Variants in TSC22D3 observed in about 807,000 individuals in gnomAD.
TSC22D3 encodes the protein TSC22 domain family member 3, also known as TSC22 domain family protein 3.
TSC22D3 carries 4 observed loss-of-function variants against 11.1 expected under a neutral mutation model. The ratio of observed to expected loss-of-function variants is 0.36; its 90% CI spans 0.18 to 0.83. TSC22D3 has a LOEUF of 0.83. TSC22D3 is among the 40% of genes least tolerant of loss of function. The pLI is 0.48. For synonymous variants in TSC22D3, 77 were observed against 70.3 expected (o/e 1.10, Z -0.48); for missense variants, 118 against 159.4 (o/e 0.74, Z 1.40).
chrX:107,749,178 T>TACACACACAC (rs61681572), intron 1 of TSC22D3, among the ~76,000 whole-genome samples: 25 of 87,358 alleles, frequency 2.9e-4, no homozygotes, highest in African/African-American at 9.2e-4. Context: ...CTACTAAAAA[T>TACACACACAC]ACACACACAC....
intron 1 of TSC22D3, among the ~76,000 whole-genome samples, chrX:107,719,281 A>G (rs1456863459): frequency 8.9e-6 from 1 of 112,384 alleles, no homozygotes. Flanking sequence ...AAAAGGGTTA[A>G]GGTTCCCAGC....
At chrX:107,758,611 A>G (rs758242773) in intron 1 of TSC22D3, among the ~76,000 whole-genome samples, 1 of 111,642 alleles carries the variant, frequency 9.0e-6, no homozygotes, top group African/African-American at 3.3e-5. Flanking sequence ...GGTTTTCAGA[A>G]AGAGGGCCAG....
In TSC22D3 at chrX:107,775,448, G is replaced by C; in HGVS notation, c.-29C>G. 1 of 1,133,307 alleles carries C rather than the reference G, an allele frequency of 8.8e-7. No individual in the cohort carries two copies. Among genetic ancestry groups the C allele is most frequent in the Non-Finnish European group, 1.2e-6 (1 of 851,025 alleles). The allele number at this position is 1,133,307 out of a possible 1,213,427, so 93.4% of individuals were successfully genotyped here. Reference sequence around the variant, plus strand: ...CTCAGGCTCGGAGGTCGCCTGGCCTGCGAGGTCAGGGGCGGCTGGCAGGTG... The same window carrying C: ...CTCAGGCTCGGAGGTCGCCTGGCCTCCGAGGTCAGGGGCGGCTGGCAGGTG... On this transcript the variant is annotated 5_prime_UTR_variant, in exon 1 of 3. Coordinates refer to ENST00000372383, the MANE Select transcript of TSC22D3 (RefSeq NM_198057.3).
intron 1 of TSC22D3, among the ~76,000 whole-genome samples, chrX:107,751,366 TGG>T (rs1310769157): frequency 9.1e-6 from 1 of 109,950 alleles, no homozygotes; most frequent in Non-Finnish European, 1.9e-5. Flanking sequence ...GGGAAGGAGG[TGG>T]GGAGAGAGGC....
At chrX:107,751,043 C>T (rs996228735) in intron 1 of TSC22D3, among the ~76,000 whole-genome samples, 3 of 112,102 alleles carry the variant, frequency 2.7e-5, no homozygotes, top group African/African-American at 9.7e-5. Flanking sequence ...ATGTGATGGC[C>T]TAGAGCTACT....
chrX:107,766,857 T>G (rs1181652163), intron 1 of TSC22D3, among the ~76,000 whole-genome samples: 1 of 106,441 alleles, frequency 9.4e-6, no homozygotes, highest in Non-Finnish European at 1.9e-5. Flanking sequence ...AGCCTACCAC[T>G]GAGCAAGCAG....
chrX:107,732,078 C>T (rs1325767439), intron 1 of TSC22D3, among the ~76,000 whole-genome samples: 1 of 111,458 alleles, frequency 9.0e-6, no homozygotes, highest in Non-Finnish European at 1.9e-5. Flanking sequence ...CCTCTGCTCA[C>T]CCGCTTGGGA....
intron 1 of TSC22D3, chrX:107,721,936 A>C: frequency 2.0e-6 from 1 of 500,622 alleles, no homozygotes; most frequent in Non-Finnish European, 3.7e-6. Context: ...CTTCTCGCTT[A>C]TCTTCTCTCT....
chrX:107,725,973 C>G (rs1465681862), intron 1 of TSC22D3, among the ~76,000 whole-genome samples: 2 of 111,915 alleles, frequency 1.8e-5, no homozygotes, highest in Non-Finnish European at 1.9e-5. Context: ...CCCGGTCAAA[C>G]CTGGGTCAAT....
Position 107,775,640 on chromosome X carries a change from C to T in TSC22D3, c.-221G>A. On this transcript the variant is annotated 5_prime_UTR_variant, in exon 1 of 3. Transcript: ENST00000372383. ...AAACAGCTGGACAAACAGCTCCGAG[C>T]GGATCCTTCGGGCTCACTTCCTCCT... The T allele has an allele frequency of 3.1e-6, 1 of 322,500 alleles. No individual in the cohort carries two copies. The highest frequency in any genetic ancestry group is 5.4e-6 in the Non-Finnish European group (1 of 185,615). 26.6% of individuals were successfully genotyped at this position (322,500 alleles called of 1,213,427 possible). A position where few individuals can be genotyped will look rare whatever the true frequency, so the allele number is the denominator to read the frequency against.
At chrX:107,736,384 C>T (rs1007005066) in intron 1 of TSC22D3, among the ~76,000 whole-genome samples, 9 of 111,649 alleles carry the variant, frequency 8.1e-5, no homozygotes, top group Admixed American at 5.7e-4. Context: ...ATGCAGCACA[C>T]CTCTCTTTCT....
chrX:107,759,462 C>T (rs1361896475), intron 1 of TSC22D3, among the ~76,000 whole-genome samples: 2 of 112,050 alleles, frequency 1.8e-5, no homozygotes, highest in East Asian at 5.7e-4. Flanking sequence ...TGTAAGTAGG[C>T]AAAGCAGCCC....
chrX:107,741,982 C>G (rs1201383572), intron 1 of TSC22D3, among the ~76,000 whole-genome samples: 2 of 111,539 alleles, frequency 1.8e-5, no homozygotes, highest in Admixed American at 1.9e-4. Flanking sequence ...AGTTTCTGGC[C>G]TGCGAAAGCA....
At chrX:107,738,084 A>G (rs1345552738) in intron 1 of TSC22D3, among the ~76,000 whole-genome samples, 1 of 112,269 alleles carries the variant, frequency 8.9e-6, no homozygotes, top group African/African-American at 3.2e-5. Flanking sequence ...TCCATAGCTA[A>G]GAAACAACTG....
At chrX:107,766,388 T>C (rs899907632) in intron 1 of TSC22D3, among the ~76,000 whole-genome samples, 60 of 110,488 alleles carry the variant, frequency 5.4e-4, no homozygotes, top group African/African-American at 1.6e-3. Context: ...AAGGCCTTCC[T>C]TTAAACAGCT....
intron 1 of TSC22D3, among the ~76,000 whole-genome samples, chrX:107,758,941 C>T (rs996392877): frequency 5.4e-5 from 6 of 110,650 alleles, no homozygotes; most frequent in South Asian, 3.9e-4. Flanking sequence ...AGTGCAGTGG[C>T]GCAGTCTCGG....
chrX:107,750,167 T>G (rs1230671035), intron 1 of TSC22D3, among the ~76,000 whole-genome samples: 3 of 111,042 alleles, frequency 2.7e-5, no homozygotes, highest in Non-Finnish European at 5.7e-5. Context: ...AATAAAAATG[T>G]GGATTCAGAA....
chrX:107,761,116 C>G (rs1022056594), intron 1 of TSC22D3, among the ~76,000 whole-genome samples: 2 of 112,412 alleles, frequency 1.8e-5, no homozygotes, highest in African/African-American at 6.5e-5. Context: ...ACACCACCAC[C>G]AATTTCTAGT....
At chrX:107,760,652 C>T (rs1929397532) in intron 1 of TSC22D3, among the ~76,000 whole-genome samples, 1 of 112,496 alleles carries the variant, frequency 8.9e-6, no homozygotes, top group Non-Finnish European at 1.9e-5. Context: ...GGCTCAGGAG[C>T]TTGAAGAGAA....
Sources: gnomAD v4.1 joint callset for allele counts (sites outside exome capture counted in the v4.1 genomes callset) on GRCh38, gnomAD v4.1.1 for gene constraint, MANE v1.5 for transcripts, NCBI Gene and HGNC (gene_info 2026-07-23, HGNC 2026-07-21) for gene names.